The following TMEM131 variants were observed in gnomAD, a reference collection of about 807,000 sequenced individuals.
The protein encoded by TMEM131 is 2610524E03Rik.
TMEM131 carries 66 observed loss-of-function variants against 211.6 expected under a neutral mutation model. The ratio of observed to expected loss-of-function variants is 0.31; its 90% CI spans 0.26 to 0.38. TMEM131 has a LOEUF of 0.38. Among genes scored for constraint, TMEM131 ranks in the 10% least tolerant of loss-of-function variants. The pLI is 1.00. For synonymous variants in TMEM131, 844 were observed against 841.3 expected (o/e 1.00, Z -0.06); for missense variants, 2,036 against 2,299.3 (o/e 0.89, Z 2.34).
At chr2:97,904,396 AAG>A (rs1337714408) in intron 3 of TMEM131, among the ~76,000 whole-genome samples, 10 of 152,334 alleles carry the variant, frequency 6.6e-5, no homozygotes, top group South Asian at 2.1e-4. Context: ...AGAGTTAAAA[AAG>A]AGAGATTAGG....
chr2:97,760,824 A>G lies in TMEM131; in HGVS notation c.4980T>C (p.Ala1660=), dbSNP rs771100234. The G allele has an allele frequency of 2.5e-6, 4 of 1,614,056 alleles. No individual in the cohort carries two copies. The highest frequency in any genetic ancestry group is 3.3e-5 in the Admixed American group (2 of 60,036). Residue 1660 remains alanine (A), a synonymous_variant, in exon 37 of 41, where the codon GCT becomes GCC. Transcript: ENST00000186436. The part of the protein sequence containing the change: ...LPGKNGNPTF[A]AVTAGYDKSP... The stretch of plus-strand genomic sequence containing the variant: ...TCTTGTCGTAGCCAGCCGTGACTGC[A>G]GCAAAAGTGGGGTTGCCGTTCTTGC...
chr2:97,892,183 T>C (rs369433857), intron 3 of TMEM131, among the ~76,000 whole-genome samples: 1 of 152,248 alleles, frequency 6.6e-6, no homozygotes, highest in Non-Finnish European at 1.5e-5. Flanking sequence ...AGGTATCTTT[T>C]GTAAACGTCT....
At chr2:97,922,071 T>C (rs1276467259) in intron 2 of TMEM131, among the ~76,000 whole-genome samples, 1 of 152,186 alleles carries the variant, frequency 6.6e-6, no homozygotes, top group Non-Finnish European at 1.5e-5. Context: ...AATTTTTCCA[T>C]GGATGGGGGG....
intron 5 of TMEM131, among the ~76,000 whole-genome samples, chr2:97,855,729 C>T (rs1219249272): frequency 6.6e-6 from 1 of 151,214 alleles, no homozygotes; most frequent in Non-Finnish European, 1.5e-5. Flanking sequence ...TTATATTCTA[C>T]TCTACAATAT....
At chr2:97,972,502 G>GGGCAGGCAGGCA (rs569396801) in intron 1 of TMEM131, among the ~76,000 whole-genome samples, 12 of 150,632 alleles carry the variant, frequency 8.0e-5, no homozygotes, top group Admixed American at 2.7e-4. Context: ...GCAGGCAGGC[G>GGGCAGGCAGGCA]GGCAGGCAGG....
chr2:97,848,805 GATAA>G (rs1683567522), intron 5 of TMEM131, among the ~76,000 whole-genome samples: 1 of 151,996 alleles, frequency 6.6e-6, no homozygotes, highest in African/African-American at 2.4e-5. Context: ...AGAACAATTT[GATAA>G]ACTGGACACC....
intron 2 of TMEM131, among the ~76,000 whole-genome samples, chr2:97,927,166 G>A (rs977696610): frequency 2.6e-5 from 4 of 152,002 alleles, no homozygotes; most frequent in African/African-American, 9.7e-5. Flanking sequence ...CACCTCTTAC[G>A]TAAAGATAAG....
chr2:97,995,394 C>T, intron 1 of TMEM131, 82 bp downstream of exon 1: 1 of 1,255,350 alleles, frequency 8.0e-7, no homozygotes, highest in Non-Finnish European at 1.0e-6. Context: ...GGCCGCGGCC[C>T]TTCCTCCCGG....
chr2:97,930,533 T>C (rs962862722), intron 1 of TMEM131, among the ~76,000 whole-genome samples: 4 of 151,858 alleles, frequency 2.6e-5, no homozygotes, highest in African/African-American at 9.7e-5. Context: ...AATACTATGT[T>C]ACACATCACT....
intron 1 of TMEM131, among the ~76,000 whole-genome samples, chr2:97,992,080 T>G (rs1355727549): frequency 6.6e-6 from 1 of 152,184 alleles, no homozygotes; most frequent in Non-Finnish European, 1.5e-5. Flanking sequence ...TAACATTCTA[T>G]TTACAAGGCC....
At chr2:97,818,522 T>G in intron 12 of TMEM131, 91 bp downstream of exon 12, 1 of 645,256 alleles carries the variant, frequency 1.5e-6, no homozygotes, top group African/African-American at 2.1e-5. Context: ...GGTAAAACAG[T>G]TTGGATTTTT....
intron 31 of TMEM131, among the ~76,000 whole-genome samples, chr2:97,781,219 CCA>C (rs1679984208): frequency 6.6e-6 from 1 of 152,186 alleles, no homozygotes. Context: ...CTCTCCAGCC[CCA>C]GTGCCTTGCA....
At chr2:97,836,434 T>C (rs527554617) in intron 8 of TMEM131, among the ~76,000 whole-genome samples, 5 of 152,310 alleles carry the variant, frequency 3.3e-5, no homozygotes, top group East Asian at 1.9e-4. Context: ...TTGACCACAA[T>C]TGCCTTCTCC....
intron 8 of TMEM131, among the ~76,000 whole-genome samples, chr2:97,835,522 GA>G (rs1047511543): frequency 6.6e-6 from 1 of 152,070 alleles, no homozygotes; most frequent in East Asian, 1.9e-4. Flanking sequence ...AGACTTACTG[GA>G]AAAAAAATTT....
At chr2:97,909,632 AT>A (rs1473975254) in intron 2 of TMEM131, among the ~76,000 whole-genome samples, 1 of 152,162 alleles carries the variant, frequency 6.6e-6, no homozygotes, top group Non-Finnish European at 1.5e-5. Context: ...AAACAGCATT[AT>A]TTTTTCCCAA....
chr2:97,863,698 T>C (rs960886982), intron 4 of TMEM131, among the ~76,000 whole-genome samples: 25 of 152,248 alleles, frequency 1.6e-4, no homozygotes, highest in African/African-American at 6.0e-4. Context: ...CAATGAGATA[T>C]CTGATTCCAA....
chr2:97,835,178 T>C (rs1047823950), intron 8 of TMEM131, among the ~76,000 whole-genome samples: 2 of 152,200 alleles, frequency 1.3e-5, no homozygotes. Flanking sequence ...AGTCAAATGA[T>C]CTGAAAACAA....
At chr2:97,811,990 TCAAA>T (rs1681568668) in intron 17 of TMEM131, among the ~76,000 whole-genome samples, 1 of 152,190 alleles carries the variant, frequency 6.6e-6, no homozygotes, top group South Asian at 2.1e-4. Context: ...CTCACAGTGA[TCAAA>T]CAATGTTTGC....
At chr2:97,950,558 AG>A (rs1293904339) in intron 1 of TMEM131, among the ~76,000 whole-genome samples, 1 of 152,200 alleles carries the variant, frequency 6.6e-6, no homozygotes, top group African/African-American at 2.4e-5. Context: ...GCATCAGGAC[AG>A]GGTCTCTTTA....
Sources: allele counts gnomAD v4.1 joint callset (sites outside exome capture counted in the v4.1 genomes callset), GRCh38; gene constraint gnomAD v4.1.1; transcripts MANE v1.5; gene names NCBI Gene and HGNC (gene_info 2026-07-23, HGNC 2026-07-21).